The following TRDN variants were observed in gnomAD, a reference collection of about 807,000 sequenced individuals.
The protein encoded by TRDN is triadin in skeletal muscle.
In TRDN, 161 loss-of-function variants were observed where a neutral mutation model predicts 149.7. The observed-to-expected ratio is 1.08, with a 90% CI of 0.95 to 1.23. The LOEUF (loss-of-function observed/expected upper bound fraction) is 1.23, where lower values mean the gene tolerates loss of function less well. Ranked by LOEUF, TRDN falls within the 50% of genes most tolerant of loss-of-function variation. The pLI is 0.00. For missense variants in TRDN, 896 were observed against 823.5 expected, an observed-to-expected ratio of 1.09 and a Z score of -1.08; for synonymous variants, 294 against 250.5, an observed-to-expected ratio of 1.17 and a Z score of -1.64.
chr6:123,408,044 T>C (rs901240381), intron 12 of TRDN, among the ~76,000 whole-genome samples: 11 of 152,208 alleles, frequency 7.2e-5, no homozygotes. Context: ...AACAGCTCTC[T>C]TCCTCAGTTT....
At chr6:123,440,045 A>G (rs1201852183) in intron 10 of TRDN, among the ~76,000 whole-genome samples, 1 of 152,184 alleles carries the variant, frequency 6.6e-6, no homozygotes, top group Non-Finnish European at 1.5e-5. Flanking sequence ...AAGAAATTCA[A>G]TATGTAGTTC....
At chr6:123,590,377 C>T (rs1388468400) in intron 1 of TRDN, among the ~76,000 whole-genome samples, 1 of 152,196 alleles carries the variant, frequency 6.6e-6, no homozygotes, top group Non-Finnish European at 1.5e-5. Flanking sequence ...CCAGGTGGGA[C>T]TGTCCAGTTA....
intron 12 of TRDN, among the ~76,000 whole-genome samples, chr6:123,402,081 T>C (rs1773004324): frequency 6.6e-6 from 1 of 151,194 alleles, no homozygotes; most frequent in Admixed American, 6.6e-5. Context: ...AGCAGAAGAG[T>C]CTTGTTTGAT....
chr6:123,306,818 T>A (rs1778628247), intron 24 of TRDN, among the ~76,000 whole-genome samples: 1 of 152,096 alleles, frequency 6.6e-6, no homozygotes, highest in African/African-American at 2.4e-5. Flanking sequence ...AACATGAAAT[T>A]TAGAAAATTG....
At chr6:123,377,994 G>A in intron 16 of TRDN, 96 bp from the exon 17 acceptor site, 1 of 814,758 alleles carries the variant, frequency 1.2e-6, no homozygotes, top group African/African-American at 1.7e-5. Context: ...ACATGCATGT[G>A]CTGATGCCAG....
In TRDN at chr6:123,498,612, T is replaced by C. The variant is rs748637697; in HGVS notation, c.794-1360A>G. The C allele has an allele frequency of 5.8e-4, 273 of 470,762 alleles. 1 individual carries two copies. Among genetic ancestry groups the C allele is most frequent in the Non-Finnish European group, 4.8e-5 (11 of 226,914 alleles). The allele number at this position is 470,762 out of a possible 1,614,324, so 29.2% of individuals were successfully genotyped here. On this transcript the variant is annotated intron_variant, in intron 8 of 40. Transcript: ENST00000334268. Reference sequence around the variant, plus strand: ...TTGCCCTTTGATGTACTGGCAGTAATAGCTGGAGTTTCTGATCCCAGGACC... The same window carrying C: ...TTGCCCTTTGATGTACTGGCAGTAACAGCTGGAGTTTCTGATCCCAGGACC...
intron 12 of TRDN, chr6:123,437,356 C>A: frequency 8.5e-6 from 2 of 235,470 alleles, no homozygotes; most frequent in Non-Finnish European, 1.6e-5. Flanking sequence ...ACTGTAAATT[C>A]TTTCTCTACT....
At chr6:123,523,135 G>A (rs1287871210) in intron 5 of TRDN, among the ~76,000 whole-genome samples, 1 of 152,170 alleles carries the variant, frequency 6.6e-6, no homozygotes, top group African/African-American at 2.4e-5. Context: ...AAGAACAGCA[G>A]TGGGGACTTC....
chr6:123,224,466 A>G (rs955891401), intron 38 of TRDN, among the ~76,000 whole-genome samples: 4 of 151,886 alleles, frequency 2.6e-5, no homozygotes, highest in East Asian at 3.9e-4. Context: ...CATTTATAGA[A>G]TTTAGGAAAG....
intron 12 of TRDN, among the ~76,000 whole-genome samples, chr6:123,415,075 A>G (rs1773596328): frequency 6.6e-6 from 1 of 152,150 alleles, no homozygotes; most frequent in South Asian, 2.1e-4. Context: ...TTAAACACTC[A>G]GAGGCTTGTC....
intron 1 of TRDN, among the ~76,000 whole-genome samples, chr6:123,586,307 G>C (rs1783478578): frequency 6.6e-6 from 1 of 152,140 alleles, no homozygotes; most frequent in Non-Finnish European, 1.5e-5. Context: ...AGGACCGGAG[G>C]CTGAGGAAGA....
chr6:123,352,117 T>C (rs1283415775), intron 21 of TRDN: 1 of 983,780 alleles, frequency 1.0e-6, no homozygotes, highest in Non-Finnish European at 1.2e-6. Flanking sequence ...TTTTAACTTT[T>C]ACATATTTTT....
chr6:123,544,246 TACACACACACACACACACACACACAC>T (rs71021453), intron 4 of TRDN, among the ~76,000 whole-genome samples: 1 of 144,328 alleles, frequency 6.9e-6, no homozygotes, highest in Non-Finnish European at 1.5e-5. Flanking sequence ...CATCTGTACA[TACACACACACACACACACACACACAC>T]ACACACACAC....
intron 24 of TRDN, among the ~76,000 whole-genome samples, chr6:123,308,950 C>T (rs1263511485): frequency 4.0e-5 from 6 of 151,874 alleles, no homozygotes; most frequent in Non-Finnish European, 7.4e-5. Context: ...AGTCATGGCT[C>T]TAAATAATTT....
intron 9 of TRDN, among the ~76,000 whole-genome samples, chr6:123,465,763 C>T (rs544746052): frequency 3.3e-4 from 51 of 152,244 alleles, no homozygotes; most frequent in African/African-American, 1.1e-3. Context: ...TTTATCACTA[C>T]TTTTCATTCC....
At chr6:123,369,786 C>G (rs911252675) in intron 19 of TRDN, among the ~76,000 whole-genome samples, 20 of 152,202 alleles carry the variant, frequency 1.3e-4, no homozygotes, top group African/African-American at 4.6e-4. Context: ...CCAATCCTTC[C>G]ATATTTTTTT....
chr6:123,255,790 G>T, intron 36 of TRDN, 77 bp downstream of exon 36: 8 of 1,011,914 alleles, frequency 7.9e-6, no homozygotes, highest in Non-Finnish European at 1.1e-5. Context: ...TTTTTCATAT[G>T]ATATAAATAC....
At chr6:123,555,865 T>C (rs1177575741) in intron 2 of TRDN, among the ~76,000 whole-genome samples, 1 of 152,158 alleles carries the variant, frequency 6.6e-6, no homozygotes, top group African/African-American at 2.4e-5. Flanking sequence ...CAATGAAAAT[T>C]GAATCCAGCT....
intron 24 of TRDN, among the ~76,000 whole-genome samples, chr6:123,302,897 A>C (rs1778479624): frequency 6.6e-6 from 1 of 152,116 alleles, no homozygotes; most frequent in African/African-American, 2.4e-5. Flanking sequence ...TTTGGACCAC[A>C]CTTTAAATAG....
Sources: allele counts gnomAD v4.1 joint callset (sites outside exome capture counted in the v4.1 genomes callset), GRCh38; gene constraint gnomAD v4.1.1; transcripts MANE v1.5; gene names NCBI Gene and HGNC (gene_info 2026-07-23, HGNC 2026-07-21).